CLVS1: variants seen among roughly 807,000 people sequenced by gnomAD.
CLVS1 encodes clavesin-1.
In CLVS1, 10 loss-of-function variants were observed where a neutral mutation model predicts 33.1. The observed-to-expected ratio is 0.30, with a 90% CI of 0.19 to 0.51. CLVS1 has a LOEUF of 0.51. Among genes scored for constraint, CLVS1 ranks in the 20% least tolerant of loss-of-function variants. The probability of loss-of-function intolerance (pLI) is 0.97; values close to 1 mark genes in which losing one functional copy is unlikely to be tolerated. For synonymous variants in CLVS1, 163 were observed against 166.1 expected (o/e 0.98, Z 0.14); for missense variants, 343 against 433.4 (o/e 0.79, Z 1.85).
chr8:61,392,606 C>G (rs1024816422), intron 3 of CLVS1, among the ~76,000 whole-genome samples: 3 of 152,112 alleles, frequency 2.0e-5, no homozygotes, highest in East Asian at 3.9e-4. Flanking sequence ...ACCTGTAATC[C>G]CAGCACTTTG....
the CLVS1 span, among the ~76,000 whole-genome samples, chr8:61,018,789 G>A: frequency 2.3e-4 from 35 of 152,294 alleles, no homozygotes; most frequent in Non-Finnish European, 4.1e-4. Context: ...TGGAAAAGGG[G>A]TTTTCTACAT....
intron 1 of CLVS1, among the ~76,000 whole-genome samples, chr8:61,068,018 T>C (rs1161721005): frequency 2.6e-5 from 4 of 151,168 alleles, no homozygotes; most frequent in Non-Finnish European, 4.4e-5. Context: ...ACCTTGTCTC[T>C]ATAAAAAATT....
intron 2 of CLVS1, among the ~76,000 whole-genome samples, chr8:61,144,742 G>A (rs990336911): frequency 5.3e-5 from 8 of 152,108 alleles, no homozygotes; most frequent in South Asian, 2.1e-4. Flanking sequence ...TTTAATGATC[G>A]CTATTCTAAC....
chr8:61,015,209 C>T, the CLVS1 span, among the ~76,000 whole-genome samples: 9 of 152,298 alleles, frequency 5.9e-5, no homozygotes, highest in African/African-American at 2.2e-4. Context: ...GCTTTACAGG[C>T]CTTATCTCAT....
intron 2 of CLVS1, among the ~76,000 whole-genome samples, chr8:61,338,459 T>A (rs1811884951): frequency 6.6e-6 from 1 of 152,036 alleles, no homozygotes; most frequent in African/African-American, 2.4e-5. Context: ...AGGCACAGGG[T>A]GGAGTCTGAG....
intron 1 of CLVS1, among the ~76,000 whole-genome samples, chr8:61,071,019 C>A (rs188668352): frequency 1.3e-5 from 2 of 152,300 alleles, no homozygotes; most frequent in East Asian, 1.9e-4. Flanking sequence ...TCTACAGAAC[C>A]AACATCCGCT....
At position 61,221,926 on chromosome 8, in the gene CLVS1, T is replaced by C. The variant is rs550048256; in HGVS notation, c.-151-77751T>C. On this transcript the variant is annotated intron_variant, in intron 2 of 2. Coordinates refer to the CLVS1 transcript ENST00000522621. ...ATTTAGTCTTGGTAGTATGTTTGTATTGAGGAATTTATCCATTTCTTCTAG... is the reference window on the plus strand; with the variant it reads ...ATTTAGTCTTGGTAGTATGTTTGTACTGAGGAATTTATCCATTTCTTCTAG... 7.4e-4 allele frequency among the ~76,000 whole-genome samples: 113 copies of C among 152,326 alleles called. 2 individuals are homozygous for C. Among genetic ancestry groups the C allele is most frequent in the Admixed American group, 7.3e-3 (111 of 15,290 alleles).
the CLVS1 span, among the ~76,000 whole-genome samples, chr8:60,999,860 A>C: frequency 6.6e-6 from 1 of 152,184 alleles, no homozygotes; most frequent in South Asian, 2.1e-4. Context: ...GGAGGGAGGT[A>C]CAGGGAGAAA....
the CLVS1 span, among the ~76,000 whole-genome samples, chr8:61,032,569 G>C: frequency 6.6e-6 from 1 of 152,038 alleles, no homozygotes; most frequent in African/African-American, 2.4e-5. Context: ...TAGGCCTTGG[G>C]GGCTTCAGGG....
the CLVS1 span, among the ~76,000 whole-genome samples, chr8:60,989,610 A>G: frequency 6.6e-6 from 1 of 152,200 alleles, no homozygotes; most frequent in Admixed American, 6.5e-5. Flanking sequence ...GTGCCAGGGC[A>G]AGTAATGTGG....
the CLVS1 span, among the ~76,000 whole-genome samples, chr8:61,040,611 ATGTT>A: frequency 4.0e-5 from 6 of 151,774 alleles, no homozygotes; most frequent in Non-Finnish European, 8.8e-5. Flanking sequence ...TTTTTTTCAT[ATGTT>A]TGTTGGCCTC....
intron 3 of CLVS1, among the ~76,000 whole-genome samples, chr8:61,437,710 A>G (rs1816387611): frequency 6.6e-6 from 1 of 152,268 alleles, no homozygotes; most frequent in South Asian, 2.1e-4. Context: ...TTTTCAAATC[A>G]TGATTCTCTT....
chr8:61,468,461 A>G (rs1319346990), intron 5 of CLVS1, among the ~76,000 whole-genome samples: 1 of 152,190 alleles, frequency 6.6e-6, no homozygotes, highest in Non-Finnish European at 1.5e-5. Flanking sequence ...ATCTTGTCCT[A>G]GGATTCTTTT....
At chr8:60,987,175 G>A in the CLVS1 span, among the ~76,000 whole-genome samples, 1 of 152,216 alleles carries the variant, frequency 6.6e-6, no homozygotes, top group African/African-American at 2.4e-5. Context: ...CCAGGGTACT[G>A]GAGGAGCCGG....
chr8:61,177,190 C>T (rs112917229), intron 2 of CLVS1, among the ~76,000 whole-genome samples: 5,203 of 152,334 alleles, frequency 0.034, 99 homozygotes, highest in Middle Eastern at 0.041. Flanking sequence ...AGGTATTCCC[C>T]ACAGCCCAAC....
chr8:61,276,469 C>G (rs146221172), intron 2 of CLVS1, among the ~76,000 whole-genome samples: 84 of 152,372 alleles, frequency 5.5e-4, no homozygotes, highest in African/African-American at 1.6e-3. Flanking sequence ...AGTTGTACTT[C>G]TGGCAACATT....
At chr8:61,449,226 G>A (rs940825513) in intron 3 of CLVS1, among the ~76,000 whole-genome samples, 1 of 152,180 alleles carries the variant, frequency 6.6e-6, no homozygotes, top group Non-Finnish European at 1.5e-5. Context: ...CACTGTGGTG[G>A]TAGTGGTTTC....
intron 2 of CLVS1, among the ~76,000 whole-genome samples, chr8:61,350,695 G>A (rs560429158): frequency 6.6e-5 from 10 of 152,090 alleles, no homozygotes; most frequent in East Asian, 1.9e-4. Context: ...AAGGTAAAGC[G>A]AAAATGAACA....
At chr8:61,360,793 G>T (rs374621180) in intron 2 of CLVS1, among the ~76,000 whole-genome samples, 1 of 152,150 alleles carries the variant, frequency 6.6e-6, no homozygotes, top group African/African-American at 2.4e-5. Flanking sequence ...AATTTGTGAC[G>T]ACTTGCTTAA....
Sources: allele counts gnomAD v4.1 joint callset (sites outside exome capture counted in the v4.1 genomes callset), GRCh38; gene constraint gnomAD v4.1.1; transcripts MANE v1.5; gene names NCBI Gene and HGNC (gene_info 2026-07-23, HGNC 2026-07-21).